PLCB1: variants seen among roughly 807,000 people sequenced by gnomAD.
PLCB1 encodes the protein phospholipase C beta 1, also known as 1-phosphatidylinositol 4,5-bisphosphate phosphodiesterase beta-1.
Under a neutral mutation model 161.8 loss-of-function variants are expected in PLCB1, and 46 were observed. The ratio of observed to expected loss-of-function variants is 0.28; its 90% confidence interval spans 0.22 to 0.36. PLCB1 has a LOEUF of 0.36. Among genes scored for constraint, PLCB1 ranks in the 10% least tolerant of loss-of-function variants. The pLI, the probability that PLCB1 is intolerant of heterozygous loss-of-function variation, is 1.00. For synonymous variants in PLCB1, 517 were observed against 503.7 expected (o/e 1.03, Z -0.35); for missense variants, 1,016 against 1,472.5 (o/e 0.69, Z 5.07).
chr20:8,496,572 C>G (rs1196927312), intron 3 of PLCB1, among the ~76,000 whole-genome samples: 1 of 152,118 alleles, frequency 6.6e-6, no homozygotes, highest in Admixed American at 6.5e-5. Context: ...TCATGGGCCC[C>G]TTTAGTAAAT....
chr20:8,179,837 TGTTGAGGGC>T (rs1180040617), intron 2 of PLCB1, among the ~76,000 whole-genome samples: 1 of 149,078 alleles, frequency 6.7e-6, no homozygotes, highest in African/African-American at 2.5e-5. Context: ...ATGCCTAGTT[TGTTGAGGGC>T]TTTTTTTTTT....
At chr20:8,632,575 G>C (rs1311940274) in intron 4 of PLCB1, among the ~76,000 whole-genome samples, 1 of 152,142 alleles carries the variant, frequency 6.6e-6, no homozygotes, top group Non-Finnish European at 1.5e-5. Context: ...GGAGAGTGCA[G>C]TGGAAAAGGG....
intron 7 of PLCB1, among the ~76,000 whole-genome samples, chr20:8,654,981 CTT>C (rs1568548141): frequency 6.6e-6 from 1 of 151,974 alleles, no homozygotes; most frequent in African/African-American, 2.4e-5. Context: ...ACCCCAAAGA[CTT>C]TGGGGTATCC....
chr20:8,388,246 A>T (rs2122418382), intron 3 of PLCB1, among the ~76,000 whole-genome samples: 1 of 152,142 alleles, frequency 6.6e-6, no homozygotes, highest in South Asian at 2.1e-4. Context: ...TATTCAAATT[A>T]GGCCGTTTAT....
At chr20:8,851,873 T>C (rs889364704) in intron 31 of PLCB1, among the ~76,000 whole-genome samples, 2 of 152,242 alleles carry the variant, frequency 1.3e-5, no homozygotes, top group Non-Finnish European at 2.9e-5. Flanking sequence ...TGGCATCTTT[T>C]TCCCCCAGTA....
chr20:8,308,575 C>A (rs1644223233), intron 2 of PLCB1, among the ~76,000 whole-genome samples: 2 of 148,528 alleles, frequency 1.3e-5, no homozygotes, highest in South Asian at 4.3e-4. Context: ...CGAGACCGTG[C>A]CACTGCGCTG....
intron 10 of PLCB1, among the ~76,000 whole-genome samples, chr20:8,696,518 C>T (rs1210197146): frequency 6.6e-6 from 1 of 151,972 alleles, no homozygotes; most frequent in Non-Finnish European, 1.5e-5. Context: ...GATCAGTTTG[C>T]CAATTTTTTC....
At chr20:8,640,144 G>A (rs912120625) in intron 4 of PLCB1, among the ~76,000 whole-genome samples, 17 of 152,208 alleles carry the variant, frequency 1.1e-4, no homozygotes, top group Non-Finnish European at 2.1e-4. Context: ...ATTTCCAAAT[G>A]AGAAAATTAT....
At chr20:8,730,479 C>T (rs535797996) in intron 18 of PLCB1, among the ~76,000 whole-genome samples, 2 of 151,870 alleles carry the variant, frequency 1.3e-5, no homozygotes, top group Admixed American at 1.3e-4. Context: ...CAATAACTCA[C>T]TGTTTTTACT....
At chr20:8,473,296 A>G (rs1344094392) in intron 3 of PLCB1, among the ~76,000 whole-genome samples, 1 of 117,308 alleles carries the variant, frequency 8.5e-6, no homozygotes, top group East Asian at 4.1e-4. Flanking sequence ...CTCCAAAGGA[A>G]AAAAAAATTA....
At chr20:8,383,359 C>CT (rs958779099) in intron 3 of PLCB1, among the ~76,000 whole-genome samples, 4 of 151,936 alleles carry the variant, frequency 2.6e-5, no homozygotes, top group African/African-American at 9.7e-5. Flanking sequence ...CCCTGCTTTT[C>CT]TTTTTTCTTT....
At chr20:8,485,092 A>T (rs1982664893) in intron 3 of PLCB1, among the ~76,000 whole-genome samples, 2 of 152,196 alleles carry the variant, frequency 1.3e-5, no homozygotes, top group South Asian at 2.1e-4. Context: ...ATTGCCAGGA[A>T]CCCCATCCAG....
intron 3 of PLCB1, among the ~76,000 whole-genome samples, chr20:8,444,673 A>G (rs917053089): frequency 6.6e-6 from 1 of 152,192 alleles, no homozygotes; most frequent in African/African-American, 2.4e-5. Flanking sequence ...CAACAATGTA[A>G]AAGTGTTCCT....
At chr20:8,547,736 T>G (rs1264671084) in intron 3 of PLCB1, among the ~76,000 whole-genome samples, 1 of 152,184 alleles carries the variant, frequency 6.6e-6, no homozygotes, top group East Asian at 1.9e-4. Flanking sequence ...TCCACCTACA[T>G]TGAGAGCAAT....
chr20:8,695,546 A>C (rs1405802488), intron 10 of PLCB1, among the ~76,000 whole-genome samples: 1 of 152,134 alleles, frequency 6.6e-6, no homozygotes, highest in African/African-American at 2.4e-5. Context: ...TAAACAAAAT[A>C]CAAAAATTAG....
chr20:8,682,110 G>A (rs1990236829), intron 9 of PLCB1, among the ~76,000 whole-genome samples: 1 of 152,144 alleles, frequency 6.6e-6, no homozygotes, highest in South Asian at 2.1e-4. Flanking sequence ...TATGGTAGAT[G>A]TTCAATAAAC....
intron 3 of PLCB1, among the ~76,000 whole-genome samples, chr20:8,571,136 A>G (rs933592424): frequency 3.9e-5 from 6 of 152,210 alleles, no homozygotes; most frequent in Non-Finnish European, 8.8e-5. Flanking sequence ...ACTCATTTGA[A>G]TGTTTTTAGT....
At chr20:8,262,185 G>C (rs1981732895) in intron 2 of PLCB1, among the ~76,000 whole-genome samples, 1 of 151,602 alleles carries the variant, frequency 6.6e-6, no homozygotes, top group African/African-American at 2.4e-5. Context: ...GGATTTGCCT[G>C]TTTCTCCTGC....
chr20:8,334,878 CA>C (rs1396735560), intron 2 of PLCB1, among the ~76,000 whole-genome samples: 1 of 152,176 alleles, frequency 6.6e-6, no homozygotes, highest in Non-Finnish European at 1.5e-5. Flanking sequence ...GTAGCAAGGT[CA>C]ACATGCCATT....
Sources: gnomAD v4.1 joint callset for allele counts (sites outside exome capture counted in the v4.1 genomes callset) on GRCh38, gnomAD v4.1.1 for gene constraint, MANE v1.5 for transcripts, NCBI Gene and HGNC (gene_info 2026-07-23, HGNC 2026-07-21) for gene names.